The following PCDHA6 variants were observed in gnomAD, a reference collection of about 807,000 sequenced individuals.
PCDHA6 encodes the protein protocadherin alpha-6.
PCDHA6 carries 55 observed loss-of-function variants against 60.3 expected under a neutral mutation model. The ratio of observed to expected loss-of-function variants is 0.91; its 90% CI spans 0.73 to 1.14. The LOEUF (loss-of-function observed/expected upper bound fraction) is 1.14. Among genes scored for constraint, PCDHA6 ranks in the 50% most tolerant of loss-of-function variants. The probability of loss-of-function intolerance (pLI) is 0.00; values close to 1 mark genes in which losing one functional copy is unlikely to be tolerated. For synonymous variants in PCDHA6, 652 were observed against 557.9 expected (o/e 1.17, Z -2.38); for missense variants, 1,327 against 1,256.5 (o/e 1.06, Z -0.85).
In PCDHA6 at chr5:140,848,822, C is replaced by T. The variant is rs2150421511; in HGVS notation, c.2394+18337C>T. The T allele has an allele frequency of 1.9e-6, 3 of 1,590,462 alleles. 1 individual carries two copies. The highest frequency in any genetic ancestry group is 3.4e-5 in the Admixed American group (2 of 58,802). ...AGTGCAGCATCCACCTGGAGGTGATCGTAGACAGGCCGCTGCAGGTTTTCC... is the reference window on the plus strand; with the variant it reads ...AGTGCAGCATCCACCTGGAGGTGATTGTAGACAGGCCGCTGCAGGTTTTCC... On this transcript the variant is annotated intron_variant, in intron 1 of 3. Transcript: ENST00000529310.
chr5:140,855,643 A>G (rs1205505162), intron 1 of PCDHA6, among the ~76,000 whole-genome samples: 1 of 149,878 alleles, frequency 6.7e-6, no homozygotes, highest in East Asian at 1.9e-4. Flanking sequence ...ATTGATAATC[A>G]TGTGGTTAGG....
At chr5:140,862,742 T>A (rs2047519053) in intron 1 of PCDHA6, 2 of 577,562 alleles carry the variant, frequency 3.5e-6, no homozygotes, top group East Asian at 4.8e-5. Context: ...TATGTGTGGG[T>A]GCACGCGGAG....
At chr5:140,862,241 T>C (rs1554155946) in intron 1 of PCDHA6, 3 of 213,712 alleles carry the variant, frequency 1.4e-5, no homozygotes, top group Non-Finnish European at 2.8e-5. Flanking sequence ...ACATCAATGA[T>C]AGTGTTCCAG....
intron 1 of PCDHA6, chr5:140,842,749 G>A: frequency 1.9e-6 from 3 of 1,595,014 alleles, no homozygotes; most frequent in Non-Finnish European, 1.7e-6. Flanking sequence ...ACATCTTCAC[G>A]GTGTCTGCGC....
chr5:140,850,923 A>AT lies in PCDHA6; in HGVS notation c.2394+20446dup, dbSNP rs2150502772. On this transcript the variant is annotated intron_variant, in intron 1 of 3. Coordinates refer to ENST00000529310, the MANE Select transcript of PCDHA6 (RefSeq NM_018909.4). ...TTCTAGCATTTTATTTATTTATATA[A>AT]TTTTTTTTCTTGAAAGATATTATCG... 4.0e-5 allele frequency: 61 copies of AT among 1,521,758 alleles called. 2 individuals are homozygous for AT. Among genetic ancestry groups the AT allele is most frequent in the Middle Eastern group, 2.1e-4 (1 of 4,736 alleles). The allele number at this position is 1,521,758 out of a possible 1,614,324, so 94.3% of individuals were successfully genotyped here. A position where few individuals can be genotyped will look rare whatever the true frequency, so the allele number is the denominator to read the frequency against.
Position 140,850,103 on chromosome 5 carries a change from C to T in PCDHA6, c.2394+19618C>T, listed in dbSNP as rs2150467019. 4 of 1,596,104 alleles carry T rather than the reference C, an allele frequency of 2.5e-6. 1 individual carries two copies. Among genetic ancestry groups the T allele is most frequent in the African/African-American group, 1.3e-5 (1 of 74,456 alleles). On this transcript the variant is annotated intron_variant, in intron 1 of 3. Coordinates refer to ENST00000529310, the MANE Select transcript of PCDHA6 (RefSeq NM_018909.4). ...TGGAGCTGCTACAGTTCCAGGTGAGCGCGCGCGACGCGGGCGTGCCGCCTC... is the reference window on the plus strand; with the variant it reads ...TGGAGCTGCTACAGTTCCAGGTGAGTGCGCGCGACGCGGGCGTGCCGCCTC...
intron 1 of PCDHA6, among the ~76,000 whole-genome samples, chr5:140,954,934 T>A (rs1417357535): frequency 2.6e-5 from 4 of 152,208 alleles, no homozygotes; most frequent in African/African-American, 9.6e-5. Flanking sequence ...TTAATTAATC[T>A]TGAGTTAATT....
intron 1 of PCDHA6, among the ~76,000 whole-genome samples, chr5:140,977,031 G>A (rs1554238180): frequency 6.6e-6 from 1 of 152,192 alleles, no homozygotes; most frequent in Admixed American, 6.5e-5. Context: ...ATGAATCTAA[G>A]AAGGATGTTG....
At position 140,850,414 on chromosome 5, in the gene PCDHA6, C is replaced by T. The variant is rs2150483197; in HGVS notation, c.2394+19929C>T. The T allele has an allele frequency of 3.9e-5, 62 of 1,597,814 alleles. 5 individuals are homozygous for T. Among genetic ancestry groups the T allele is most frequent in the African/African-American group, 6.7e-5 (5 of 74,310 alleles). ...AGCACAACGCGTGCCCTGGACGAAA[C>T]GGACGCACCGCGCCAGCGCCTACTG... On this transcript the variant is annotated intron_variant, in intron 1 of 3. Coordinates refer to ENST00000529310, the MANE Select transcript of PCDHA6 (RefSeq NM_018909.4).
intron 1 of PCDHA6, among the ~76,000 whole-genome samples, chr5:140,878,566 A>G (rs2057645190): frequency 6.6e-6 from 1 of 152,262 alleles, no homozygotes. Context: ...AACTTATCAT[A>G]GTATACCACT....
At chr5:140,969,606 C>T (rs2096345912) in intron 1 of PCDHA6, 1 of 758,598 alleles carries the variant, frequency 1.3e-6, no homozygotes, top group South Asian at 2.1e-5. Context: ...AATGCTAAAA[C>T]ACAGATTTGT....
rs1355633400 is a variant in PCDHA6 at position 140,846,435 on chromosome 5, C to G, written c.2394+15950C>G. ...TATCTCCCAGGCTGGAATGCAGTGG[C>G]GCAATCTCGGCTCACTGCAACCTCT... On this transcript the variant is annotated intron_variant, in intron 1 of 3. Transcript: ENST00000529310. Among the ~76,000 whole-genome samples, 18 of 133,632 alleles carry G rather than the reference C, an allele frequency of 1.3e-4. 1 individual carries two copies. Among genetic ancestry groups the G allele is most frequent in the African/African-American group, 4.0e-4 (14 of 35,360 alleles). 87.7% of individuals were successfully genotyped at this position (133,632 alleles called of 152,430 possible).
chr5:140,909,494 G>A (rs1554193825), intron 1 of PCDHA6, among the ~76,000 whole-genome samples: 2 of 152,174 alleles, frequency 1.3e-5, no homozygotes, highest in African/African-American at 4.8e-5. Context: ...GAGCTGAACG[G>A]GGATGTGGTG....
intron 3 of PCDHA6, among the ~76,000 whole-genome samples, chr5:140,997,684 G>A (rs2097780776): frequency 6.6e-6 from 1 of 152,116 alleles, no homozygotes; most frequent in African/African-American, 2.4e-5. Context: ...GTGTGTGTGT[G>A]TGTGTGTGTG....
chr5:140,991,885 A>G (rs1554252463), intron 3 of PCDHA6, among the ~76,000 whole-genome samples: 1 of 152,198 alleles, frequency 6.6e-6, no homozygotes, highest in Non-Finnish European at 1.5e-5. Context: ...GGCTGCCATA[A>G]CAAATTAACA....
At chr5:140,857,418 C>T in intron 1 of PCDHA6, 1 of 1,598,514 alleles carries the variant, frequency 6.3e-7, no homozygotes, top group South Asian at 1.1e-5. Context: ...TTCGCGCAGT[C>T]CGAGTACACG....
intron 1 of PCDHA6, chr5:140,842,977 G>C: frequency 6.3e-7 from 1 of 1,595,034 alleles, no homozygotes; most frequent in Non-Finnish European, 8.6e-7. Context: ...TGACGCTGCA[G>C]GTGTTCGTGC....
In PCDHA6 at chr5:140,876,730, G is replaced by A. The variant is rs1338047769; in HGVS notation, c.2394+46245G>A. ...CGCCCTGGACCGCGAGAGCGTGTCG[G>A]CCTATGAGCTGGTGGTGACTGCGCG... On this transcript the variant is annotated intron_variant, in intron 1 of 3. Transcript: ENST00000529310. 1.2e-6 allele frequency: 2 copies of A among 1,614,254 alleles called. No individual in the cohort carries two copies. The highest frequency in any genetic ancestry group is 1.7e-6 in the Non-Finnish European group (2 of 1,180,050).
At position 140,828,670 on chromosome 5, in the gene PCDHA6, G is replaced by A; in HGVS notation, c.579G>A (p.Gly193=). 6.2e-7 allele frequency: 1 copy of A among 1,614,164 alleles called. No homozygotes were observed. Among genetic ancestry groups the A allele is most frequent in the Non-Finnish European group, 8.5e-7 (1 of 1,180,036 alleles). Residue 193 remains glycine, a synonymous_variant, in exon 1 of 4, where the codon GGG becomes GGA. Coordinates refer to ENST00000529310, the MANE Select transcript of PCDHA6 (RefSeq NM_018909.4). ...KINSDDNKQI[G]LLLKKSLDRE... ...ACAGTGATGACAATAAACAAATTGG[G>A]CTCTTATTAAAGAAATCCTTGGACA...
Sources: gnomAD v4.1 joint callset for allele counts (sites outside exome capture counted in the v4.1 genomes callset) on GRCh38, gnomAD v4.1.1 for gene constraint, MANE v1.5 for transcripts, NCBI Gene and HGNC (gene_info 2026-07-23, HGNC 2026-07-21) for gene names.